Variants in CEP128 observed in about 807,000 individuals in gnomAD.
CEP128 encodes the protein centrosomal protein 128kDa.
CEP128 carries 132 observed loss-of-function variants against 156.7 expected under a neutral mutation model. The ratio of observed to expected loss-of-function variants is 0.84; its 90% confidence interval spans 0.73 to 0.97. The LOEUF is 0.97. Among genes scored for constraint, CEP128 ranks in the 50% least tolerant of loss-of-function variants. CEP128 has a pLI of 0.00. For synonymous variants in CEP128, 469 were observed against 448.9 expected (o/e 1.04, Z -0.57); for missense variants, 1,252 against 1,281.9 (o/e 0.98, Z 0.36).
At chr14:80,568,215 C>T (rs373048466) in intron 20 of CEP128, among the ~76,000 whole-genome samples, 6 of 152,158 alleles carry the variant, frequency 3.9e-5, no homozygotes, top group Non-Finnish European at 5.9e-5. Flanking sequence ...GGGCACATAT[C>T]TCCTAGGCTT....
intron 20 of CEP128, among the ~76,000 whole-genome samples, chr14:80,570,157 G>A (rs897804125): frequency 6.6e-6 from 1 of 152,100 alleles, no homozygotes; most frequent in Admixed American, 6.5e-5. Flanking sequence ...TTGCTCTGTT[G>A]CCCAGGCTGG....
At chr14:80,884,487 G>C (rs1053574060) in intron 8 of CEP128, among the ~76,000 whole-genome samples, 1 of 152,200 alleles carries the variant, frequency 6.6e-6, no homozygotes, top group Non-Finnish European at 1.5e-5. Flanking sequence ...TGGCTAGACA[G>C]TGGGTGCAGC....
intron 19 of CEP128, among the ~76,000 whole-genome samples, chr14:80,620,966 T>C (rs1452371430): frequency 6.6e-6 from 1 of 152,088 alleles, no homozygotes; most frequent in Non-Finnish European, 1.5e-5. Context: ...AGTAAAAGTA[T>C]AAACACACAC....
intron 19 of CEP128, among the ~76,000 whole-genome samples, chr14:80,667,857 CAAAA>C (rs3070047): frequency 1.1e-5 from 1 of 90,044 alleles, no homozygotes; most frequent in East Asian, 2.9e-4. Context: ...GACTCCATCT[CAAAA>C]AAAAAAAAAA....
intron 19 of CEP128, among the ~76,000 whole-genome samples, chr14:80,637,297 C>T (rs1173152046): frequency 6.6e-6 from 1 of 152,040 alleles, no homozygotes; most frequent in East Asian, 1.9e-4. Flanking sequence ...AGTTGACCTC[C>T]AGATATGGCA....
intron 13 of CEP128, among the ~76,000 whole-genome samples, chr14:80,827,137 T>A (rs1481545753): frequency 2.0e-5 from 3 of 152,182 alleles, no homozygotes; most frequent in African/African-American, 7.2e-5. Context: ...ACTAATGCAA[T>A]TAGTAAGATA....
chr14:80,753,962 T>C (rs1409260069), intron 18 of CEP128, among the ~76,000 whole-genome samples: 1 of 152,216 alleles, frequency 6.6e-6, no homozygotes, highest in African/African-American at 2.4e-5. Context: ...ACTCTCACTC[T>C]ATCTCACTGT....
rs149970778 is a variant in CEP128, at chr14:80,843,516, A to G, written c.763-2748T>C. Among the ~76,000 whole-genome samples, 1,270 of 152,002 alleles carry G rather than the reference A, an allele frequency of 8.4e-3. 15 individuals are homozygous for G. The highest frequency in any genetic ancestry group is 0.01 in the Non-Finnish European group (686 of 67,900). ...TTGAAGGTACAAACTATCAAATCAG[A>G]TTTTTTTTCCAGTAACAATAAAGAA... On this transcript the variant is annotated intron_variant, in intron 9 of 24. Transcript: ENST00000555265.
At chr14:80,576,440 T>G (rs1226966151) in intron 20 of CEP128, among the ~76,000 whole-genome samples, 1 of 152,192 alleles carries the variant, frequency 6.6e-6, no homozygotes, top group Non-Finnish European at 1.5e-5. Flanking sequence ...GCAGACAATG[T>G]TAAGCTCCAA....
chr14:80,547,895 T>C (rs1048248583), intron 21 of CEP128, among the ~76,000 whole-genome samples: 4 of 150,744 alleles, frequency 2.7e-5, no homozygotes, highest in African/African-American at 9.8e-5. Flanking sequence ...GCCTCTCGGG[T>C]TCAAGCAATT....
intron 19 of CEP128, among the ~76,000 whole-genome samples, chr14:80,734,735 C>A (rs1898443823): frequency 6.7e-6 from 1 of 150,156 alleles, no homozygotes; most frequent in Non-Finnish European, 1.5e-5. Flanking sequence ...GTAATCCCAG[C>A]TACTTGGGAG....
At chr14:80,616,335 G>A (rs1893209748) in intron 19 of CEP128, among the ~76,000 whole-genome samples, 1 of 152,112 alleles carries the variant, frequency 6.6e-6, no homozygotes, top group South Asian at 2.1e-4. Context: ...TGCTAAAGGT[G>A]TTCTTGCATT....
chr14:80,823,908 T>C (rs1463983423), intron 13 of CEP128, among the ~76,000 whole-genome samples: 1 of 152,234 alleles, frequency 6.6e-6, no homozygotes, highest in African/African-American at 2.4e-5. Context: ...CAACCCCACA[T>C]TTCCCTTCCA....
intron 19 of CEP128, among the ~76,000 whole-genome samples, chr14:80,661,593 G>C (rs1327139829): frequency 1.3e-5 from 2 of 152,256 alleles, no homozygotes; most frequent in East Asian, 3.9e-4. Flanking sequence ...AACTTCAGAT[G>C]CACATTTTAC....
chr14:80,883,153 T>C (rs1366463622), intron 8 of CEP128, among the ~76,000 whole-genome samples: 2 of 152,262 alleles, frequency 1.3e-5, no homozygotes, highest in East Asian at 3.9e-4. Context: ...AAACATCTCA[T>C]GTACCTGTAA....
intron 21 of CEP128, among the ~76,000 whole-genome samples, chr14:80,556,079 GCC>G (rs150370869): frequency 0.16 from 24,080 of 151,952 alleles, 2,161 homozygotes; most frequent in East Asian, 0.19. Context: ...CCCATCCTTG[GCC>G]CATGAGCAGG....
intron 4 of CEP128, among the ~76,000 whole-genome samples, chr14:80,906,709 A>G (rs1042420538): frequency 3.3e-5 from 5 of 152,216 alleles, no homozygotes; most frequent in African/African-American, 1.2e-4. Context: ...ATATAAAAAC[A>G]TACCTTTAGA....
intron 19 of CEP128, among the ~76,000 whole-genome samples, chr14:80,737,417 GA>G (rs991581786): frequency 6.7e-6 from 1 of 150,314 alleles, no homozygotes; most frequent in East Asian, 1.9e-4. Context: ...AAAGAAAAAA[GA>G]AAAAAAATTA....
chr14:80,567,400 A>T (rs1229131827), intron 20 of CEP128, among the ~76,000 whole-genome samples: 1 of 152,138 alleles, frequency 6.6e-6, no homozygotes, highest in African/African-American at 2.4e-5. Context: ...GTTGGGACAG[A>T]TTTCAGACTG....
Sources: gnomAD v4.1 joint callset for allele counts (sites outside exome capture counted in the v4.1 genomes callset) on GRCh38, gnomAD v4.1.1 for gene constraint, MANE v1.5 for transcripts, NCBI Gene and HGNC (gene_info 2026-07-23, HGNC 2026-07-21) for gene names.